The following ZNF532 variants were observed in gnomAD, a reference collection of about 807,000 sequenced individuals.
The protein encoded by ZNF532 is zinc finger protein 532.
ZNF532 carries 22 observed loss-of-function variants against 89.3 expected under a neutral mutation model. The ratio of observed to expected loss-of-function variants is 0.25; its 90% CI spans 0.18 to 0.35. ZNF532 has a LOEUF of 0.35. Among genes scored for constraint, ZNF532 ranks in the 10% least tolerant of loss-of-function variants. The pLI is 1.00. For synonymous variants in ZNF532, 606 were observed against 649.6 expected, an observed-to-expected ratio of 0.93 and a Z score of 1.02; for missense variants, 1,132 against 1,643.4, an observed-to-expected ratio of 0.69 and a Z score of 5.38.
At position 58,979,108 on chromosome 18, in the gene ZNF532, C is replaced by T; in HGVS notation, c.3204C>T (p.His1068=). The T allele has an allele frequency of 6.2e-7, 1 of 1,613,482 alleles. No individual in the cohort carries two copies. Among genetic ancestry groups the T allele is most frequent in the Non-Finnish European group, 8.5e-7 (1 of 1,179,436 alleles). The change falls in exon 8 of 10, where the codon CAC becomes CAT. Residue 1068 remains histidine (H), a synonymous_variant. Transcript: ENST00000591808. Reference sequence around the variant, plus strand: ...GTGACAAGTCTTTCAGCTCGTCCCACAGCCTGTGCCGGCACAACCGGATCA... The same window carrying T: ...GTGACAAGTCTTTCAGCTCGTCCCATAGCCTGTGCCGGCACAACCGGATCA... ...RQCDKSFSSS[H]SLCRHNRIKH...
chr18:58,956,862 A>G (rs2064830219), intron 7 of ZNF532, among the ~76,000 whole-genome samples: 2 of 152,218 alleles, frequency 1.3e-5, no homozygotes, highest in Non-Finnish European at 2.9e-5. Context: ...CGGAACACCC[A>G]TCAGGTTTCT....
At position 58,984,517 on chromosome 18, in the gene ZNF532, C is replaced by T; in HGVS notation, c.*51C>T. On this transcript the variant is annotated 3_prime_UTR_variant, in exon 10 of 10. Coordinates refer to ENST00000591808, the MANE Select transcript of ZNF532 (RefSeq NM_001375912.1). ...CCTGTCCACATTGGAATAAAAAAGA[C>T]ATTTTTGTTACAAAGTTTGCAGTAT... 3.2e-6 allele frequency: 5 copies of T among 1,559,062 alleles called. No individual in the cohort carries two copies. Among genetic ancestry groups the T allele is most frequent in the Non-Finnish European group, 4.3e-6 (5 of 1,155,318 alleles).
intron 3 of ZNF532, among the ~76,000 whole-genome samples, chr18:58,928,989 A>C (rs2061741077): frequency 1.3e-5 from 2 of 152,224 alleles, no homozygotes; most frequent in South Asian, 4.1e-4. Context: ...TAACCCCTTA[A>C]TTTTAAAAAC....
At chr18:58,889,119 A>C (rs1442694018) in intron 2 of ZNF532, among the ~76,000 whole-genome samples, 1 of 151,024 alleles carries the variant, frequency 6.6e-6, no homozygotes, top group Non-Finnish European at 1.5e-5. Context: ...CAGATTTAGA[A>C]TATTCAGTGT....
intron 3 of ZNF532, chr18:58,932,356 AT>A (rs2062032513): frequency 6.6e-6 from 1 of 152,226 alleles, no homozygotes. Context: ...TTTGTAGTAT[AT>A]CTTGATGAAA....
intron 7 of ZNF532, among the ~76,000 whole-genome samples, chr18:58,974,693 C>G (rs903124738): frequency 6.6e-6 from 1 of 152,170 alleles, no homozygotes; most frequent in East Asian, 1.9e-4. Context: ...TCCGATTTCA[C>G]CAGGGCCTCC....
At chr18:58,882,995 T>G (rs1006558709) in intron 2 of ZNF532, among the ~76,000 whole-genome samples, 1 of 152,214 alleles carries the variant, frequency 6.6e-6, no homozygotes, top group Non-Finnish European at 1.5e-5. Flanking sequence ...CTTCTTCCCC[T>G]TTCTTGGGTG....
Position 58,984,413 on chromosome 18 carries a change from A to G in ZNF532, c.3853A>G (p.Thr1285Ala). The G allele has an allele frequency of 6.2e-7, 1 of 1,611,992 alleles. No homozygotes were observed. The highest frequency in any genetic ancestry group is 2.2e-5 in the East Asian group (1 of 44,868). ...AGCTGCCTTAAATACTCACATGCGG[A>G]CACACGGCATGGCCTTCATCAAATC... ...TEAALNTHMR[T>A]HGMAFIKSKR... Residue 1285 changes from threonine to alanine, a missense_variant, in exon 10 of 10, where the codon ACA (threonine) becomes GCA (alanine). By Grantham distance (58) the Thr-to-Ala change is moderately conservative. Around this residue, in one of 9 missense-constraint regions of ZNF532, gnomAD observed 415 missense variants for 604.8 expected, o/e 0.69. Coordinates refer to ENST00000591808, the MANE Select transcript of ZNF532 (RefSeq NM_001375912.1).
intron 2 of ZNF532, among the ~76,000 whole-genome samples, chr18:58,902,257 A>G (rs989517183): frequency 4.6e-5 from 7 of 152,106 alleles, no homozygotes; most frequent in African/African-American, 1.2e-4. Context: ...ATCATAGCCC[A>G]TCTTTGGTTA....
chr18:58,950,071 A>T (rs1192984727), intron 6 of ZNF532, among the ~76,000 whole-genome samples: 1 of 152,270 alleles, frequency 6.6e-6, no homozygotes, highest in Non-Finnish European at 1.5e-5. Context: ...AAATTTAGGG[A>T]TGTTGGAATT....
chr18:58,905,320 G>A (rs919535626), intron 2 of ZNF532, among the ~76,000 whole-genome samples: 7 of 151,800 alleles, frequency 4.6e-5, no homozygotes, highest in African/African-American at 1.5e-4. Context: ...TTCTTTGGAA[G>A]TAAAAGGATT....
intron 3 of ZNF532, among the ~76,000 whole-genome samples, chr18:58,930,228 A>C (rs1241772018): frequency 6.6e-6 from 1 of 151,962 alleles, no homozygotes; most frequent in Non-Finnish European, 1.5e-5. Flanking sequence ...AAGCTTGAAC[A>C]CTCTCTGATT....
In ZNF532 at chr18:58,920,013, T is replaced by C; in HGVS notation, c.1726T>C (p.Leu576=). The C allele has an allele frequency of 6.2e-7, 1 of 1,613,784 alleles. No homozygotes were observed. Among genetic ancestry groups the C allele is most frequent in the Non-Finnish European group, 8.5e-7 (1 of 1,179,770 alleles). The change falls in exon 3 of 10, where the codon TTG becomes CTG. Residue 576 remains leucine (L), a synonymous_variant. Transcript: ENST00000591808. ...KVSRVQVVSS[L]QSSVVEAFNK... is the part of the protein sequence containing the mutation. The stretch of plus-strand genomic sequence containing the variant: ...GTCTCGAGTCCAGGTGGTGTCGTCC[T>C]TGCAGAGTTCTGTGGTGGAAGCTTT...
chr18:58,966,748 T>TGG (rs2065960608), intron 7 of ZNF532, among the ~76,000 whole-genome samples: 2 of 150,314 alleles, frequency 1.3e-5, no homozygotes, highest in African/African-American at 4.9e-5. Flanking sequence ...GTTTTTTTTT[T>TGG]TTTTTTTTTT....
At chr18:58,983,404 C>G (rs967822158) in intron 9 of ZNF532, among the ~76,000 whole-genome samples, 3 of 152,164 alleles carry the variant, frequency 2.0e-5, no homozygotes, top group Non-Finnish European at 2.9e-5. Context: ...CTGCAGTCTC[C>G]CTGAGCACTC....
At chr18:58,945,727 AT>A (rs1205330569) in intron 5 of ZNF532, among the ~76,000 whole-genome samples, 3 of 150,382 alleles carry the variant, frequency 2.0e-5, no homozygotes, top group Non-Finnish European at 4.4e-5. Context: ...TTATTTATTT[AT>A]TTATTTTTTT....
At chr18:58,889,684 ACT>A (rs1467404081) in intron 2 of ZNF532, among the ~76,000 whole-genome samples, 1 of 151,620 alleles carries the variant, frequency 6.6e-6, no homozygotes, top group Non-Finnish European at 1.5e-5. Flanking sequence ...GAGGCAGAAG[ACT>A]CTCTTGAACC....
At chr18:58,870,264 A>C (rs2056870527) in intron 2 of ZNF532, among the ~76,000 whole-genome samples, 1 of 152,162 alleles carries the variant, frequency 6.6e-6, no homozygotes, top group Non-Finnish European at 1.5e-5. Context: ...ACAGGAGTGC[A>C]GAGGGAAAAG....
At chr18:58,890,607 T>G (rs1176530065) in intron 2 of ZNF532, among the ~76,000 whole-genome samples, 1 of 151,784 alleles carries the variant, frequency 6.6e-6, no homozygotes, top group African/African-American at 2.4e-5. Context: ...TTTTTTTTTT[T>G]TTGAGAAATT....
Sources: allele counts gnomAD v4.1 joint callset (sites outside exome capture counted in the v4.1 genomes callset), GRCh38; gene constraint gnomAD v4.1.1; regional missense constraint gnomAD v4.1.1; transcripts MANE v1.5; gene names NCBI Gene and HGNC (gene_info 2026-07-23, HGNC 2026-07-21).